JAK3: variants seen among roughly 807,000 people sequenced by gnomAD.
The protein encoded by JAK3 is tyrosine-protein kinase JAK3.
JAK3 carries 88 observed loss-of-function variants against 120.8 expected under a neutral mutation model. The ratio of observed to expected loss-of-function variants is 0.73; its 90% CI spans 0.61 to 0.87. The LOEUF is 0.87. JAK3 is among the 40% of genes least tolerant of loss of function. The pLI, the probability that JAK3 is intolerant of heterozygous loss-of-function variation, is 0.00. For synonymous variants in JAK3, 592 were observed against 628.6 expected (o/e 0.94, Z 0.87); for missense variants, 1,254 against 1,501.4 (o/e 0.84, Z 2.72).
In JAK3 at chr19:17,841,248, C is replaced by T. The variant is rs1051647729; in HGVS notation, c.1142+141G>A. The T allele has an allele frequency of 3.8e-6, 3 of 790,332 alleles. No individual in the cohort carries two copies. The highest frequency in any genetic ancestry group is 3.4e-5 in the African/African-American group (2 of 58,032). 49.0% of individuals were successfully genotyped at this position (790,332 alleles called of 1,614,324 possible). A position where few individuals can be genotyped will look rare whatever the true frequency, so the allele number is the denominator to read the frequency against. On this transcript the variant is annotated intron_variant, in intron 8 of 23. Transcript: ENST00000458235. This position sits in a 1 kb window ranked among gnomAD's most constrained non-coding sequence, Gnocchi z 4.1. ...AAGCAGAAGGAATACTTCAGCTTCA[C>T]TGAGCGCTGACTGTGCGGCAGGTGT... is the stretch of plus-strand genomic sequence containing the variant.
Position 17,835,116 on chromosome 19 carries a change from G to C in JAK3, c.2014C>G (p.Pro672Ala), listed in dbSNP as rs2147682858. Reference protein sequence around the residue: ...GSPPFIKLSDPGVSPAVLSLE... With the variant: ...GSPPFIKLSDAGVSPAVLSLE... ...CTTAACACAGCGGGGCTGACCCCAGGGTCACTCAGCTTGATGAAGGGCGGG... is the reference window on the plus strand; with the variant it reads ...CTTAACACAGCGGGGCTGACCCCAGCGTCACTCAGCTTGATGAAGGGCGGG... Residue 672 changes from proline to alanine, a missense_variant, in exon 15 of 24, where the codon CCT (proline) becomes GCT (alanine). This residue lies in a region of JAK3 where 630 missense variants were observed against 819.8 expected (regional missense o/e 0.77). Transcript: ENST00000458235. 3.7e-6 allele frequency: 6 copies of C among 1,614,176 alleles called. No homozygotes were observed. The highest frequency in any genetic ancestry group is 5.1e-6 in the Non-Finnish European group (6 of 1,180,028).
At position 17,839,497 on chromosome 19, in the gene JAK3, C is replaced by T; in HGVS notation, c.1421G>A (p.Cys474Tyr). 1 of 1,590,920 alleles carries T rather than the reference C, an allele frequency of 6.3e-7. No individual in the cohort carries two copies. The highest frequency in any genetic ancestry group is 8.6e-7 in the Non-Finnish European group (1 of 1,168,162). Reference protein sequence around the residue: ...VDGVAVTLTSCCIPRPKEKSN... With the variant: ...VDGVAVTLTSYCIPRPKEKSN... The stretch of plus-strand genomic sequence containing the variant: ...CTCACCTTTGGGTCTGGGGATACAG[C>T]AGGAAGTGAGGGTCACTGCCACCCC... The change falls in exon 10 of 24, where the codon TGC (cysteine) becomes TAC (tyrosine). Residue 474 changes from cysteine (C) to tyrosine (Y), a missense_variant. Cys to Tyr is a radical substitution (Grantham distance 194, BLOSUM62 -2). This residue lies in a region of JAK3 where 486 missense variants were observed against 503.0 expected (regional missense o/e 0.97). Transcript: ENST00000458235.
rs977590413 is a variant in JAK3, at chr19:17,831,872, G to A, written c.2681-74C>T. On this transcript the variant is annotated intron_variant, in intron 19 of 23. Transcript: ENST00000458235. This position sits in a 1 kb window ranked among gnomAD's most constrained non-coding sequence, Gnocchi z 5.1. ...CCCATTCTTCCCCCCTTTCACAGTG[G>A]GACCTTGTGTCCCTCTCGACCTCAG... is the stretch of plus-strand genomic sequence containing the variant. 6.3e-7 allele frequency: 1 copy of A among 1,590,090 alleles called. No individual in the cohort carries two copies. Among genetic ancestry groups the A allele is most frequent in the Non-Finnish European group, 8.6e-7 (1 of 1,163,572 alleles).
chr19:17,834,506 C>A (rs1442263091), intron 17 of JAK3, 65 bp downstream of exon 17: 4 of 1,598,844 alleles, frequency 2.5e-6, no homozygotes, highest in Non-Finnish European at 1.7e-6. Context: ...CTGCAAACCA[C>A]GCTCCTTCCA....
In JAK3 at chr19:17,835,002, C is replaced by A. The variant is rs1326000645; in HGVS notation, c.2049G>T (p.Met683Ile). 6.2e-7 allele frequency: 1 copy of A among 1,614,054 alleles called. No individual in the cohort carries two copies. The highest frequency in any genetic ancestry group is 8.5e-7 in the Non-Finnish European group (1 of 1,180,044). The change falls in exon 16 of 24, where the codon ATG (methionine) becomes ATT (isoleucine). Residue 683 changes from methionine (M) to isoleucine (I), a missense_variant and splice_region_variant. Physicochemically the swap from Met to Ile is conservative, Grantham distance 10. Transcript: ENST00000458235. ...GVSPAVLSLEMLTDRIPWVAP... is the reference protein window; with the variant it reads ...GVSPAVLSLEILTDRIPWVAP... ...CCACCCAGGGGATCCTGTCGGTGAG[C>A]ACTGAGGGAATGAAAGTGGGATCAG...
chr19:17,834,057 A>G (rs1199489170), intron 17 of JAK3, among the ~76,000 whole-genome samples: 1 of 152,024 alleles, frequency 6.6e-6, no homozygotes, highest in East Asian at 1.9e-4. Context: ...TTTTTAAAAG[A>G]ATGAAATAGA....
chr19:17,847,675 C>G (rs951740075), intron 1 of JAK3, among the ~76,000 whole-genome samples: 2 of 152,202 alleles, frequency 1.3e-5, no homozygotes, highest in African/African-American at 4.8e-5. Context: ...CTCCCCACCC[C>G]CAACCCCGCA....
intron 1 of JAK3, among the ~76,000 whole-genome samples, chr19:17,846,996 C>A (rs1475893827): frequency 1.3e-5 from 2 of 152,124 alleles, no homozygotes. Flanking sequence ...CTCCCAGGTT[C>A]AAGCGATTCT....
At chr19:17,833,527 C>T (rs1437560767) in intron 17 of JAK3, among the ~76,000 whole-genome samples, 1 of 118,522 alleles carries the variant, frequency 8.4e-6, no homozygotes. Flanking sequence ...GGGAACATAG[C>T]AAAACCCCAT....
chr19:17,847,943 T>C lies in JAK3; in HGVS notation c.-14+3A>G, dbSNP rs891149274. ...CGAGCCCTGCGGCATCGCCAGCTCT[T>C]ACCTAGCGGGCAGGGACCCTGGACT... On this transcript the variant is annotated splice_donor_region_variant and intron_variant, in intron 1 of 23. Coordinates refer to ENST00000458235, the MANE Select transcript of JAK3 (RefSeq NM_000215.4). 3.6e-5 allele frequency: 37 copies of C among 1,028,424 alleles called. No homozygotes were observed. Among genetic ancestry groups the C allele is most frequent in the Non-Finnish European group, 4.2e-5 (36 of 854,256 alleles). The allele number at this position is 1,028,424 out of a possible 1,614,324, so 63.7% of individuals were successfully genotyped here. A position where few individuals can be genotyped will look rare whatever the true frequency, so the allele number is the denominator to read the frequency against.
rs975773769 is a variant in JAK3 at position 17,831,711 on chromosome 19, G to A, written c.2768C>T (p.Ala923Val). Residue 923 changes from alanine (A) to valine (V), a missense_variant, in exon 20 of 24, where the codon GCC (alanine) becomes GTC (valine). Physicochemically the swap from Ala to Val is moderately conservative, Grantham distance 64. Coordinates refer to ENST00000458235, the MANE Select transcript of JAK3 (RefSeq NM_000215.4). The surrounding 1 kb of genome is among the most constrained non-coding windows in gnomAD (Gnocchi z 5.1). ...CGAGGAATAGAGAAGGAGGCGGCTG[G>A]CATCGAGGCGCGCGCGGTGCCGCTG... is the stretch of plus-strand genomic sequence containing the variant. Reference protein sequence around the residue: ...FLQRHRARLDASRLLLYSSQI... With the variant: ...FLQRHRARLDVSRLLLYSSQI... 1.9e-6 allele frequency: 3 copies of A among 1,610,856 alleles called. No individual in the cohort carries two copies. The highest frequency in any genetic ancestry group is 2.7e-5 in the African/African-American group (2 of 74,902).
intron 9 of JAK3, among the ~76,000 whole-genome samples, chr19:17,839,980 C>T (rs1313731359): frequency 1.3e-5 from 2 of 152,138 alleles, no homozygotes; most frequent in African/African-American, 4.8e-5. Flanking sequence ...ATCTCTTGAT[C>T]TGCCTACCTC....
intron 13 of JAK3, 59 bp downstream of exon 13, chr19:17,837,070 G>A (rs1378988192): frequency 9.6e-7 from 1 of 1,039,700 alleles, no homozygotes; most frequent in Non-Finnish European, 1.3e-6. Context: ...ACAGAGGTGG[G>A]AAGAACAGCC....
chr19:17,840,446 G>A, intron 8 of JAK3, 105 bp from the exon 9 acceptor site: 1 of 757,816 alleles, frequency 1.3e-6, no homozygotes, highest in Admixed American at 2.1e-5. Flanking sequence ...ATCCTTGCCA[G>A]GTGACACCCT....
rs747834953 is a variant in JAK3 at position 17,830,090 on chromosome 19, T to TA, written c.3207+17dup. 4 of 1,535,500 alleles carry TA rather than the reference T, an allele frequency of 2.6e-6. No individual in the cohort carries two copies. In the South Asian group the frequency reaches 3.6e-5, roughly 14 times the overall value. Reference sequence around the variant, plus strand: ...AATCTACAGACTGGGAAACTGAGGCTAGCCCTGCGGCGCTCACCTCAGCAG... The same window carrying TA: ...AATCTACAGACTGGGAAACTGAGGCTAAGCCCTGCGGCGCTCACCTCAGCAG... On this transcript the variant is annotated intron_variant, in intron 23 of 23. Coordinates refer to ENST00000458235, the MANE Select transcript of JAK3 (RefSeq NM_000215.4).
chr19:17,824,964 A>G lies in JAK3; in HGVS notation c.*1779T>C, dbSNP rs967564974. 6.8e-5 allele frequency: 15 copies of G among 219,570 alleles called. No individual in the cohort carries two copies. Among genetic ancestry groups the G allele is most frequent in the African/African-American group, 3.1e-4 (14 of 44,572 alleles). The allele number at this position is 219,570 out of a possible 1,614,324, so 13.6% of individuals were successfully genotyped here. A position where few individuals can be genotyped will look rare whatever the true frequency, so the allele number is the denominator to read the frequency against. On this transcript the variant is annotated 3_prime_UTR_variant, in exon 24 of 24. Coordinates refer to ENST00000458235, the MANE Select transcript of JAK3 (RefSeq NM_000215.4). Reference sequence around the variant, plus strand: ...ACAGGGCTACAGTAGTAGTGGGGGTATATGAGGGAAGGCTGCAAGGATGTG... The same window carrying G: ...ACAGGGCTACAGTAGTAGTGGGGGTGTATGAGGGAAGGCTGCAAGGATGTG...
intron 11 of JAK3, 98 bp from the exon 12 acceptor site, chr19:17,838,161 G>T: frequency 6.2e-7 from 1 of 1,612,376 alleles, no homozygotes; most frequent in South Asian, 1.1e-5. Context: ...TTACAGATGG[G>T]AAAACCGAGG....
chr19:17,830,873 T>TGGGAGG (rs2094212806), intron 21 of JAK3, among the ~76,000 whole-genome samples: 1 of 10,158 alleles, frequency 9.8e-5, no homozygotes, highest in African/African-American at 4.3e-4. Flanking sequence ...GCCAGAGCCG[T>TGGGAGG]GGGAGGGGGA....
chr19:17,843,434 CT>C lies in JAK3; in HGVS notation c.365del (p.Lys122ArgfsTer25), dbSNP rs2094244871. 6.2e-7 allele frequency: 1 copy of C among 1,600,246 alleles called. No individual in the cohort carries two copies. The highest frequency in any genetic ancestry group is 1.3e-5 in the African/African-American group (1 of 74,588). On this transcript the variant is annotated frameshift_variant, in exon 4 of 24. Coordinates refer to ENST00000458235, the MANE Select transcript of JAK3 (RefSeq NM_000215.4). LOFTEE classifies it high-confidence loss of function. The surrounding 1 kb of genome is among the most constrained non-coding windows in gnomAD (Gnocchi z 5.4). ...GGTCAAGGATAGCACTGGCCAAATC[CT>C]TGCGTAGCCCGAAGCGGTGGCACTT... Reference protein sequence around the residue: ...LEKCHRFGLRKDLASAILDLP... With the variant: ...LEKCHRFGLRXDLASAILDLP...
Sources: allele counts gnomAD v4.1 joint callset (sites outside exome capture counted in the v4.1 genomes callset), GRCh38; gene constraint gnomAD v4.1.1; regional missense constraint gnomAD v4.1.1; non-coding constraint Gnocchi (gnomAD v3.1); transcripts MANE v1.5; gene names NCBI Gene and HGNC (gene_info 2026-07-23, HGNC 2026-07-21).